The following ITPR1 variants were observed in gnomAD, a reference collection of about 807,000 sequenced individuals.
The protein encoded by ITPR1 is inositol 1,4,5-trisphosphate receptor type 1, also known as inositol 1,4,5-trisphosphate-gated calcium channel ITPR1.
A neutral mutation model predicts 318.4 loss-of-function variants in ITPR1; 96 were observed. That is an observed-to-expected ratio of 0.30 (90% CI 0.26 to 0.36). The LOEUF is 0.36. ITPR1 is among the 10% of genes least tolerant of loss of function. The pLI is 1.00. For missense variants in ITPR1, 2,440 were observed against 3,460.2 expected, an observed-to-expected ratio of 0.71 and a Z score of 7.40; for synonymous variants, 1,312 against 1,289.9, an observed-to-expected ratio of 1.02 and a Z score of -0.37.
chr3:4,805,287 G>T (rs1233846073), intron 54 of ITPR1, among the ~76,000 whole-genome samples: 1 of 152,138 alleles, frequency 6.6e-6, no homozygotes, highest in African/African-American at 2.4e-5. Flanking sequence ...TTGGTAATGT[G>T]GCAGCTCCAG....
chr3:4,822,981 T>C (rs993183687), intron 60 of ITPR1, among the ~76,000 whole-genome samples: 1 of 152,218 alleles, frequency 6.6e-6, no homozygotes, highest in African/African-American at 2.4e-5. Context: ...AGCAAATTTT[T>C]ATTAACCTTG....
At chr3:4,730,287 GTGTA>G (rs1339818753) in intron 42 of ITPR1, among the ~76,000 whole-genome samples, 2 of 138,902 alleles carry the variant, frequency 1.4e-5, no homozygotes, top group Admixed American at 7.6e-5. Flanking sequence ...GTGTGTGTGT[GTGTA>G]TGTGTGTATA....
intron 33 of ITPR1, among the ~76,000 whole-genome samples, chr3:4,695,552 C>T (rs536886529): frequency 9.8e-5 from 15 of 152,308 alleles, no homozygotes; most frequent in African/African-American, 3.4e-4. Context: ...TTCCTGTCCT[C>T]ACCTCCCCCA....
intron 44 of ITPR1, among the ~76,000 whole-genome samples, chr3:4,747,483 G>T (rs1575107736): frequency 6.6e-6 from 1 of 152,216 alleles, no homozygotes; most frequent in African/African-American, 2.4e-5. Flanking sequence ...GCGTCTGTTT[G>T]CCAGGCAGAT....
rs1289143788 is a variant in ITPR1, at chr3:4,697,239, A to T, written c.4374A>T (p.Lys1458Asn). The T allele has an allele frequency of 6.4e-6, 10 of 1,571,792 alleles. No individual in the cohort carries two copies. Among genetic ancestry groups the T allele is most frequent in the Non-Finnish European group, 8.6e-6 (10 of 1,157,308 alleles). ...TTTATACCAGCAATCACATGTGGAA[A>T]TTGTTTGAGAATTTCCTTGTAGACA... is the stretch of plus-strand genomic sequence containing the variant. The part of the protein sequence containing the change: ...KEIYTSNHMW[K>N]LFENFLVDIC... The change falls in exon 34 of 62, where the codon AAA (lysine) becomes AAT (asparagine). Residue 1458 changes from lysine (K) to asparagine (N), a missense_variant. Lys to Asn is a moderately conservative substitution (Grantham distance 94). Transcript: ENST00000649015.
At chr3:4,615,272 G>T (rs932671828) in intron 4 of ITPR1, among the ~76,000 whole-genome samples, 1 of 152,116 alleles carries the variant, frequency 6.6e-6, no homozygotes, top group African/African-American at 2.4e-5. Flanking sequence ...ACAACTAAGT[G>T]TGGGCAGGTA....
intron 60 of ITPR1, 62 bp downstream of exon 60, chr3:4,818,304 C>G: frequency 7.5e-7 from 1 of 1,329,162 alleles, no homozygotes; most frequent in Non-Finnish European, 1.0e-6. Flanking sequence ...CTGAGCAAGG[C>G]CCCAGCAGCC....
At chr3:4,651,998 A>T in intron 10 of ITPR1, 125 bp from the exon 11 acceptor site, 1 of 746,460 alleles carries the variant, frequency 1.3e-6, no homozygotes, top group Non-Finnish European at 2.3e-6. Context: ...GGTTTGTTGA[A>T]GATGCTGATT....
intron 4 of ITPR1, among the ~76,000 whole-genome samples, chr3:4,566,995 T>C (rs1165370444): frequency 2.6e-5 from 4 of 152,256 alleles, no homozygotes; most frequent in African/African-American, 9.6e-5. Context: ...CTGAGTTGAA[T>C]CCTGGCAGTG....
intron 4 of ITPR1, among the ~76,000 whole-genome samples, chr3:4,613,477 C>G (rs999743401): frequency 1.3e-5 from 2 of 152,144 alleles, no homozygotes; most frequent in Middle Eastern, 3.2e-3. Flanking sequence ...GAACTTCCCT[C>G]TGTTGCTGCT....
chr3:4,647,064 C>T (rs2093474570), intron 10 of ITPR1, among the ~76,000 whole-genome samples: 1 of 152,116 alleles, frequency 6.6e-6, no homozygotes, highest in African/African-American at 2.4e-5. Flanking sequence ...CCTTGAGCCT[C>T]TCTTTCTAGG....
intron 4 of ITPR1, among the ~76,000 whole-genome samples, chr3:4,539,273 G>T (rs577337072): frequency 1.3e-5 from 2 of 152,240 alleles, no homozygotes; most frequent in Non-Finnish European, 2.9e-5. Flanking sequence ...ACTTAGTTGT[G>T]TGTTGGTCAG....
chr3:4,837,004 C>A, intron 61 of ITPR1, 69 bp downstream of exon 61: 2 of 1,331,394 alleles, frequency 1.5e-6, no homozygotes, highest in Non-Finnish European at 2.0e-6. Context: ...ATCACCACAC[C>A]AAATCTGATG....
intron 61 of ITPR1, among the ~76,000 whole-genome samples, chr3:4,837,700 G>T (rs6779719): frequency 0.88 from 133,501 of 152,082 alleles, 61,101 homozygotes; most frequent in East Asian, 1. Flanking sequence ...TGCGTACTCT[G>T]TTTCTGCCCT....
intron 4 of ITPR1, among the ~76,000 whole-genome samples, chr3:4,558,833 C>CT (rs139536328): frequency 0.16 from 22,936 of 147,012 alleles, 2,186 homozygotes; most frequent in Non-Finnish European, 0.22. Context: ...TGTCTTTTTT[C>CT]TTTTTTTTTT....
At chr3:4,640,275 G>T (rs2093307388) in intron 6 of ITPR1, among the ~76,000 whole-genome samples, 1 of 152,218 alleles carries the variant, frequency 6.6e-6, no homozygotes, top group South Asian at 2.1e-4. Context: ...TAGGTATAGA[G>T]CAGGGCTAAT....
Position 4,662,252 on chromosome 3 carries a change from C to G in ITPR1, c.1412+10C>G. Reference sequence around the variant, plus strand: ...CCCAGAATGAAAGGAGGTGAGCACTCCCGCATGCTCAGCACAGCCGCCCTC... The same window carrying G: ...CCCAGAATGAAAGGAGGTGAGCACTGCCGCATGCTCAGCACAGCCGCCCTC... On this transcript the variant is annotated intron_variant, in intron 15 of 61. Transcript: ENST00000649015. The G allele has an allele frequency of 6.3e-7, 1 of 1,583,210 alleles. No homozygotes were observed. The highest frequency in any genetic ancestry group is 8.6e-7 in the Non-Finnish European group (1 of 1,162,902).
At chr3:4,735,422 C>T (rs755556759) in intron 44 of ITPR1, 68 bp downstream of exon 44, 3 of 1,355,474 alleles carry the variant, frequency 2.2e-6, no homozygotes, top group South Asian at 1.2e-5. Flanking sequence ...TTCTGGGAGC[C>T]AGATGTCTGG....
intron 4 of ITPR1, among the ~76,000 whole-genome samples, chr3:4,618,043 T>C (rs2092456286): frequency 6.7e-6 from 1 of 149,498 alleles, no homozygotes. Flanking sequence ...AAAAGTCAAA[T>C]ATAGGGTGTT....
Sources: allele counts gnomAD v4.1 joint callset (sites outside exome capture counted in the v4.1 genomes callset), GRCh38; gene constraint gnomAD v4.1.1; transcripts MANE v1.5; gene names NCBI Gene and HGNC (gene_info 2026-07-23, HGNC 2026-07-21).